Variants in ATP8A1 observed in about 807,000 individuals in gnomAD.
ATP8A1 encodes the protein ATPase phospholipid transporting 8A1.
ATP8A1 carries 90 observed loss-of-function variants against 177.7 expected under a neutral mutation model. That is an observed-to-expected ratio of 0.51 (90% CI 0.43 to 0.60). The LOEUF (loss-of-function observed/expected upper bound fraction) is 0.60. ATP8A1 is among the 20% of genes least tolerant of loss of function. ATP8A1 has a pLI of 0.00. For missense variants in ATP8A1, 1,072 were observed against 1,392.8 expected (o/e 0.77, Z 3.67); for synonymous variants, 493 against 485.9 (o/e 1.01, Z -0.19).
At chr4:42,479,243 G>A (rs1721404397) in intron 25 of ATP8A1, among the ~76,000 whole-genome samples, 1 of 152,222 alleles carries the variant, frequency 6.6e-6, no homozygotes, top group Non-Finnish European at 1.5e-5. Context: ...TTGAGTAGCT[G>A]TAAGGGAGAA....
intron 1 of ATP8A1, among the ~76,000 whole-genome samples, chr4:42,656,295 T>C (rs747702282): frequency 2.0e-5 from 3 of 152,206 alleles, no homozygotes; most frequent in Non-Finnish European, 4.4e-5. Flanking sequence ...GGGACTCCGC[T>C]GCAGGAGGCA....
chr4:42,484,536 T>A (rs1722008347), intron 25 of ATP8A1, among the ~76,000 whole-genome samples: 1 of 152,180 alleles, frequency 6.6e-6, no homozygotes, highest in Non-Finnish European at 1.5e-5. Flanking sequence ...TAGCTTATAA[T>A]TCATAAATAA....
At chr4:42,622,351 C>T (rs1170361842) in intron 4 of ATP8A1, among the ~76,000 whole-genome samples, 1 of 151,936 alleles carries the variant, frequency 6.6e-6, no homozygotes, top group Non-Finnish European at 1.5e-5. Context: ...CACTGCACTC[C>T]AGCCTGGGCA....
chr4:42,613,677 G>A (rs1736602928), intron 5 of ATP8A1, among the ~76,000 whole-genome samples: 1 of 152,116 alleles, frequency 6.6e-6, no homozygotes, highest in East Asian at 1.9e-4. Flanking sequence ...TCCGCCTCCT[G>A]GGTTTGAGCG....
intron 28 of ATP8A1, 29 bp downstream of exon 28, chr4:42,455,496 A>G (rs1236829699): frequency 3.1e-6 from 5 of 1,613,532 alleles, no homozygotes; most frequent in Non-Finnish European, 2.5e-6. Context: ...ATTCAATGAA[A>G]CAGGAATTAT....
intron 5 of ATP8A1, among the ~76,000 whole-genome samples, chr4:42,615,177 C>T (rs1252994123): frequency 1.3e-5 from 2 of 152,036 alleles, no homozygotes; most frequent in East Asian, 3.8e-4. Flanking sequence ...AAATATTTTG[C>T]AAATTTATTA....
chr4:42,435,072 A>C (rs1371850836), intron 33 of ATP8A1, among the ~76,000 whole-genome samples: 1 of 152,240 alleles, frequency 6.6e-6, no homozygotes, highest in Non-Finnish European at 1.5e-5. Context: ...CTTTGAACAA[A>C]GCAGCTTAAC....
intron 33 of ATP8A1, among the ~76,000 whole-genome samples, chr4:42,425,565 G>T (rs553083082): frequency 2.6e-5 from 4 of 152,110 alleles, no homozygotes; most frequent in Admixed American, 6.5e-5. Flanking sequence ...GGATGAAGAG[G>T]GGGGGAAAAA....
At position 42,578,401 on chromosome 4, in the gene ATP8A1, C is replaced by T. The variant is rs770502966; in HGVS notation, c.1001-14G>A. ...TAGCGCCACCATCTGTTGGGAGAGG[C>T]AGGAAGAACGTCATTTACAGTTTTA... On this transcript the variant is annotated splice_polypyrimidine_tract_variant and intron_variant, in intron 11 of 36. Transcript: ENST00000381668. 2 of 1,604,704 alleles carry T rather than the reference C, an allele frequency of 1.2e-6. No individual in the cohort carries two copies. Among genetic ancestry groups the T allele is most frequent in the East Asian group, 4.5e-5 (2 of 44,608 alleles).
intron 33 of ATP8A1, among the ~76,000 whole-genome samples, chr4:42,425,571 A>G (rs10019985): frequency 0.38 from 57,377 of 151,418 alleles, 11,167 homozygotes; most frequent in African/African-American, 0.46. Context: ...AGAGGGGGGG[A>G]AAAATAAAAT....
chr4:42,498,357 C>G (rs1723489856), intron 24 of ATP8A1, among the ~76,000 whole-genome samples: 1 of 152,074 alleles, frequency 6.6e-6, no homozygotes, highest in African/African-American at 2.4e-5. Flanking sequence ...TCCTGAATGT[C>G]CTATAAGTTA....
At chr4:42,420,280 G>A (rs1162909499) in intron 35 of ATP8A1, among the ~76,000 whole-genome samples, 1 of 152,194 alleles carries the variant, frequency 6.6e-6, no homozygotes, top group Admixed American at 6.5e-5. Flanking sequence ...GATCACCAGT[G>A]GGCGGCAGTG....
At chr4:42,421,644 T>C (rs1181786928) in intron 35 of ATP8A1, among the ~76,000 whole-genome samples, 2 of 152,144 alleles carry the variant, frequency 1.3e-5, no homozygotes, top group Non-Finnish European at 2.9e-5. Context: ...TCCTTCAGCA[T>C]AATGAGAGCA....
At chr4:42,586,555 C>T (rs764355188) in intron 8 of ATP8A1, 79 bp from the exon 9 acceptor site, 24 of 1,377,110 alleles carry the variant, frequency 1.7e-5, no homozygotes, top group Non-Finnish European at 2.3e-5. Flanking sequence ...TTGAATTCAT[C>T]CAAGTCTTAA....
At chr4:42,464,035 T>C (rs1357471233) in intron 27 of ATP8A1, among the ~76,000 whole-genome samples, 1 of 152,144 alleles carries the variant, frequency 6.6e-6, no homozygotes, top group Non-Finnish European at 1.5e-5. Context: ...TTTTAAAAAA[T>C]AGCTTTTCTA....
At chr4:42,543,882 A>C (rs1186986925) in intron 20 of ATP8A1, 35 bp downstream of exon 20, 1 of 1,470,816 alleles carries the variant, frequency 6.8e-7, no homozygotes. Flanking sequence ...AACCATCATA[A>C]ATTATAACTG....
At chr4:42,485,805 A>G in intron 24 of ATP8A1, 137 bp from the exon 25 acceptor site, 1 of 724,710 alleles carries the variant, frequency 1.4e-6, no homozygotes, top group Non-Finnish European at 2.2e-6. Flanking sequence ...ACATACTTTC[A>G]GTCATTTGAT....
rs145489862 is a variant in ATP8A1, at chr4:42,576,298, C to T, written c.1129-599G>A. Reference sequence around the variant, plus strand: ...CATCCTGGCTAACACGGTGAAACCCCGTCTCTACTAAAAAAAAATACAAAA... The same window carrying T: ...CATCCTGGCTAACACGGTGAAACCCTGTCTCTACTAAAAAAAAATACAAAA... On this transcript the variant is annotated intron_variant, in intron 12 of 36. Coordinates refer to ENST00000381668, the MANE Select transcript of ATP8A1 (RefSeq NM_006095.2). Among the ~76,000 whole-genome samples the T allele has an allele frequency of 3.0e-3, 448 of 151,468 alleles. 2 individuals are homozygous for T. Among genetic ancestry groups the T allele is most frequent in the African/African-American group, 0.01 (423 of 41,268 alleles).
chr4:42,532,797 A>G (rs1473456009), intron 20 of ATP8A1, among the ~76,000 whole-genome samples: 3 of 152,348 alleles, frequency 2.0e-5, no homozygotes, highest in East Asian at 3.9e-4. Flanking sequence ...AAGATGCACA[A>G]AAGTGAAAAT....
Sources: gnomAD v4.1 joint callset for allele counts (sites outside exome capture counted in the v4.1 genomes callset) on GRCh38, gnomAD v4.1.1 for gene constraint, MANE v1.5 for transcripts, NCBI Gene and HGNC (gene_info 2026-07-23, HGNC 2026-07-21) for gene names.